The following ATP10B variants were observed in gnomAD, a reference collection of about 807,000 sequenced individuals.
ATP10B encodes the protein ATPase phospholipid transporting 10B (putative), also known as phospholipid-transporting ATPase VB.
Under a neutral mutation model 141.2 loss-of-function variants are expected in ATP10B, and 122 were observed. The ratio of observed to expected loss-of-function variants is 0.86; its 90% CI spans 0.75 to 1.00. The LOEUF (loss-of-function observed/expected upper bound fraction) is 1.00. ATP10B is among the 50% of genes least tolerant of loss of function. ATP10B has a pLI of 0.00. For missense variants in ATP10B, 1,876 were observed against 1,825.3 expected (o/e 1.03, Z -0.51); for synonymous variants, 685 against 692.0 (o/e 0.99, Z 0.16).
intron 1 of ATP10B, among the ~76,000 whole-genome samples, chr5:160,789,053 A>G (rs1440977479): frequency 6.6e-6 from 1 of 152,146 alleles, no homozygotes; most frequent in Non-Finnish European, 1.5e-5. Context: ...ATTTACATTT[A>G]CTTTGGCCCC....
chr5:160,872,104 A>G, the ATP10B span, among the ~76,000 whole-genome samples: 2 of 152,164 alleles, frequency 1.3e-5, no homozygotes, highest in Admixed American at 6.5e-5. Flanking sequence ...GTAAGGTGGC[A>G]TCACATTGTG....
At chr5:160,722,570 G>A (rs769400299) in intron 2 of ATP10B, among the ~76,000 whole-genome samples, 2 of 151,770 alleles carry the variant, frequency 1.3e-5, no homozygotes, top group Admixed American at 6.6e-5. Context: ...AAAAGATTCA[G>A]GGATTAAAAA....
At chr5:160,640,089 G>T (rs905241935) in intron 10 of ATP10B, among the ~76,000 whole-genome samples, 2 of 152,306 alleles carry the variant, frequency 1.3e-5, no homozygotes, top group South Asian at 4.1e-4. Context: ...AATTGATTTT[G>T]AACTTCTGAT....
At chr5:160,877,116 A>T in the ATP10B span, among the ~76,000 whole-genome samples, 1 of 152,200 alleles carries the variant, frequency 6.6e-6, no homozygotes, top group African/African-American at 2.4e-5. Flanking sequence ...CTTGATGAAC[A>T]TTGATGCAAA....
At chr5:160,621,179 A>T (rs62391640) in intron 14 of ATP10B, among the ~76,000 whole-genome samples, 6,483 of 152,302 alleles carry the variant, frequency 0.043, 214 homozygotes, top group Non-Finnish European at 0.067. Flanking sequence ...ACTCATAGTA[A>T]GGGTTCACAT....
At chr5:160,769,882 A>T (rs577354570) in intron 2 of ATP10B, among the ~76,000 whole-genome samples, 1 of 152,318 alleles carries the variant, frequency 6.6e-6, no homozygotes, top group South Asian at 2.1e-4. Flanking sequence ...TGCCCTAATG[A>T]TAAACAAGTC....
chr5:160,833,068 CTAAATA>C (rs1411586366), intron 1 of ATP10B, among the ~76,000 whole-genome samples: 2 of 152,086 alleles, frequency 1.3e-5, no homozygotes, highest in Admixed American at 6.6e-5. Flanking sequence ...GGGAACTTTA[CTAAATA>C]TAAAGCATCA....
At chr5:160,765,277 C>T (rs752194981) in intron 2 of ATP10B, among the ~76,000 whole-genome samples, 3 of 151,798 alleles carry the variant, frequency 2.0e-5, no homozygotes, top group Non-Finnish European at 2.9e-5. Context: ...AAAGAGTAAG[C>T]AAAAAAGAAC....
Position 160,663,018 on chromosome 5 carries a change from G to C in ATP10B, c.675+7445C>G, listed in dbSNP as rs1352052446. Among the ~76,000 whole-genome samples the C allele has an allele frequency of 3.3e-5, 5 of 152,200 alleles. No individual in the cohort carries two copies. In the South Asian group the frequency reaches 8.3e-4, roughly 25 times the overall value. On this transcript the variant is annotated intron_variant, in intron 7 of 25. Coordinates refer to ENST00000327245, the MANE Select transcript of ATP10B (RefSeq NM_025153.3). ...CTTCTCAAAAGAAGACATTGATGCAGCCAAAAGACACATGAAAAAATGCTC... is the reference window on the plus strand; with the variant it reads ...CTTCTCAAAAGAAGACATTGATGCACCCAAAAGACACATGAAAAAATGCTC...
At chr5:160,927,226 G>A in the ATP10B span, among the ~76,000 whole-genome samples, 1 of 152,164 alleles carries the variant, frequency 6.6e-6, no homozygotes, top group African/African-American at 2.4e-5. Flanking sequence ...CGAGCAAAGT[G>A]CACTGGAAAT....
chr5:160,643,556 T>C (rs777383623), intron 9 of ATP10B, among the ~76,000 whole-genome samples: 10 of 152,188 alleles, frequency 6.6e-5, no homozygotes, highest in Admixed American at 1.3e-4. Context: ...TCTTTTTTCA[T>C]TGGAAAGCAG....
intron 3 of ATP10B, among the ~76,000 whole-genome samples, chr5:160,701,697 G>A (rs1234955070): frequency 6.6e-6 from 1 of 151,938 alleles, no homozygotes; most frequent in Non-Finnish European, 1.5e-5. Flanking sequence ...CCTGGGAATA[G>A]TCACACCTCT....
the ATP10B span, among the ~76,000 whole-genome samples, chr5:160,923,153 C>T: frequency 6.6e-6 from 1 of 152,144 alleles, no homozygotes. Flanking sequence ...GGAAGGCTGG[C>T]AAGCAAGGAA....
At chr5:160,779,609 C>CGA (rs1350574373) in intron 2 of ATP10B, among the ~76,000 whole-genome samples, 1 of 152,164 alleles carries the variant, frequency 6.6e-6, no homozygotes, top group African/African-American at 2.4e-5. Context: ...CCAGTTGAGC[C>CGA]TTCAGGTGGG....
At chr5:160,921,292 T>A in the ATP10B span, among the ~76,000 whole-genome samples, 1 of 152,018 alleles carries the variant, frequency 6.6e-6, no homozygotes, top group South Asian at 2.1e-4. Flanking sequence ...TTTTTTTACT[T>A]AATATATCTT....
intron 7 of ATP10B, among the ~76,000 whole-genome samples, chr5:160,662,014 A>T (rs1052058411): frequency 6.6e-6 from 1 of 152,198 alleles, no homozygotes. Context: ...ACAGACAAAC[A>T]GTCAAATCAT....
chr5:160,856,892 C>T (rs1425160191), upstream of ATP10B, among the ~76,000 whole-genome samples: 1 of 151,692 alleles, frequency 6.6e-6, no homozygotes, highest in Non-Finnish European at 1.5e-5. Context: ...CAGATCTTGA[C>T]CTAGCTTTGC....
intron 2 of ATP10B, among the ~76,000 whole-genome samples, chr5:160,755,780 A>G (rs1434330038): frequency 7.5e-6 from 1 of 134,058 alleles, no homozygotes; most frequent in Non-Finnish European, 1.6e-5. Flanking sequence ...CCGCCACTGC[A>G]CTCCAGCCTG....
intron 21 of ATP10B, among the ~76,000 whole-genome samples, chr5:160,601,325 C>T (rs1409721173): frequency 6.6e-6 from 1 of 152,204 alleles, no homozygotes; most frequent in Non-Finnish European, 1.5e-5. Context: ...TTTGTAGCTA[C>T]TACCTGGCTA....
Sources: allele counts gnomAD v4.1 joint callset (sites outside exome capture counted in the v4.1 genomes callset), GRCh38; gene constraint gnomAD v4.1.1; transcripts MANE v1.5; gene names NCBI Gene and HGNC (gene_info 2026-07-23, HGNC 2026-07-21).